Variants in KCNIP1 observed in about 807,000 individuals in gnomAD.
KCNIP1 encodes the protein potassium voltage-gated channel interacting protein 1.
A neutral mutation model predicts 33.0 loss-of-function variants in KCNIP1; 18 were observed. The observed-to-expected ratio is 0.55, with a 90% CI of 0.38 to 0.81. KCNIP1 has a LOEUF of 0.81. KCNIP1 is among the 30% of genes least tolerant of loss of function. The pLI is 0.00. For synonymous variants in KCNIP1, 93 were observed against 98.3 expected (o/e 0.95, Z 0.32); for missense variants, 238 against 271.6 (o/e 0.88, Z 0.87).
At chr5:170,650,563 T>G (rs1429955848) in intron 1 of KCNIP1, among the ~76,000 whole-genome samples, 1 of 152,252 alleles carries the variant, frequency 6.6e-6, no homozygotes, top group Non-Finnish European at 1.5e-5. Context: ...CACAGTAGGC[T>G]TATTCATTCA....
At position 170,472,849 on chromosome 5, in the gene KCNIP1, G is replaced by A. The variant is rs376653172; in HGVS notation, c.88+118885G>A. Among the ~76,000 whole-genome samples the A allele has an allele frequency of 1.1e-4, 17 of 152,260 alleles. No homozygotes were observed. The South Asian group carries it at 2.1e-3, about 19-fold the overall frequency. ...TCGTTGATTGATGGACATTTGGGTC[G>A]GTTCCACGATTTTGCAATTGCGAAT... On this transcript the variant is annotated intron_variant, in intron 1 of 7. Coordinates refer to the KCNIP1 transcript ENST00000377360.
chr5:170,387,333 C>A (rs982476111), intron 1 of KCNIP1, among the ~76,000 whole-genome samples: 1 of 152,150 alleles, frequency 6.6e-6, no homozygotes, highest in African/African-American at 2.4e-5. Context: ...AGATTTTCTG[C>A]AAAGTGCTCT....
chr5:170,721,982 A>G, intron 4 of KCNIP1, 79 bp downstream of exon 4: 1 of 1,528,862 alleles, frequency 6.5e-7, no homozygotes, highest in African/African-American at 1.4e-5. Flanking sequence ...GCATTGGGGG[A>G]AGGTCTGGAC....
chr5:170,516,272 T>G (rs1755116479), intron 1 of KCNIP1, among the ~76,000 whole-genome samples: 1 of 152,174 alleles, frequency 6.6e-6, no homozygotes, highest in African/African-American at 2.4e-5. Flanking sequence ...CTCCTTCTCC[T>G]CTCCCAGGGA....
chr5:170,526,181 C>A (rs1044659270), intron 1 of KCNIP1, among the ~76,000 whole-genome samples: 2 of 152,210 alleles, frequency 1.3e-5, no homozygotes, highest in African/African-American at 4.8e-5. Context: ...CCCTCCTGGG[C>A]ACCCCAATAC....
chr5:170,687,028 C>G (rs375744698), intron 1 of KCNIP1, among the ~76,000 whole-genome samples: 84 of 152,184 alleles, frequency 5.5e-4, no homozygotes, highest in African/African-American at 1.7e-3. Context: ...CCATTCTCCC[C>G]CTGAGTTCCC....
At chr5:170,457,556 G>A (rs1756413150) in intron 1 of KCNIP1, among the ~76,000 whole-genome samples, 1 of 152,212 alleles carries the variant, frequency 6.6e-6, no homozygotes, top group Non-Finnish European at 1.5e-5. Flanking sequence ...CCTGGAACCT[G>A]GTAGACATCC....
intron 1 of KCNIP1, chr5:170,483,251 G>C (rs1757015767): frequency 7.1e-6 from 2 of 281,514 alleles, no homozygotes; most frequent in African/African-American, 2.3e-5. Context: ...GGTGATCCCA[G>C]GCTGGGGACC....
intron 1 of KCNIP1, among the ~76,000 whole-genome samples, chr5:170,519,360 T>C (rs1389375454): frequency 6.6e-6 from 1 of 152,104 alleles, no homozygotes. Context: ...TTGAGATAGA[T>C]AGATGGCCTG....
At chr5:170,642,433 G>A (rs375224805) in intron 1 of KCNIP1, among the ~76,000 whole-genome samples, 4 of 152,346 alleles carry the variant, frequency 2.6e-5, no homozygotes, top group South Asian at 2.1e-4. Flanking sequence ...TGTGGAAGCC[G>A]ATGGACTGGG....
chr5:170,396,690 A>G (rs1285198242), intron 1 of KCNIP1, among the ~76,000 whole-genome samples: 1 of 152,224 alleles, frequency 6.6e-6, no homozygotes, highest in Non-Finnish European at 1.5e-5. Flanking sequence ...TAAAGAGTTG[A>G]AGTCAACAGA....
intron 5 of KCNIP1, among the ~76,000 whole-genome samples, chr5:170,723,811 C>T (rs1007794605): frequency 2.0e-5 from 3 of 152,082 alleles, no homozygotes; most frequent in Admixed American, 6.6e-5. Flanking sequence ...AAGGAGGTGT[C>T]GTCATACTGG....
At chr5:170,357,158 G>A (rs948095769) in intron 1 of KCNIP1, among the ~76,000 whole-genome samples, 4 of 151,616 alleles carry the variant, frequency 2.6e-5, no homozygotes, top group East Asian at 1.9e-4. Flanking sequence ...TTCAAACCAC[G>A]AATGCAGTGA....
intron 1 of KCNIP1, among the ~76,000 whole-genome samples, chr5:170,702,793 A>G (rs1763141463): frequency 6.6e-6 from 1 of 151,890 alleles, no homozygotes; most frequent in African/African-American, 2.4e-5. Context: ...TCCTAATAAA[A>G]TAGGAACAAT....
At chr5:170,505,116 A>G (rs1415129701) in intron 1 of KCNIP1, among the ~76,000 whole-genome samples, 1 of 152,240 alleles carries the variant, frequency 6.6e-6, no homozygotes, top group African/African-American at 2.4e-5. Context: ...AACCTCTGCA[A>G]GCCAAAAGGA....
intron 1 of KCNIP1, among the ~76,000 whole-genome samples, chr5:170,417,932 C>A (rs1455095851): frequency 1.3e-5 from 2 of 152,210 alleles, no homozygotes; most frequent in Non-Finnish European, 2.9e-5. Context: ...TTTGGGCAAC[C>A]ACACAGCTTA....
intron 1 of KCNIP1, among the ~76,000 whole-genome samples, chr5:170,472,892 G>A (rs576178975): frequency 4.6e-5 from 7 of 152,304 alleles, no homozygotes; most frequent in Admixed American, 6.5e-5. Flanking sequence ...CTATAAACAT[G>A]TGTGTGCAAG....
At chr5:170,714,800 G>A (rs1763589034) in intron 1 of KCNIP1, among the ~76,000 whole-genome samples, 1 of 151,866 alleles carries the variant, frequency 6.6e-6, no homozygotes, top group Non-Finnish European at 1.5e-5. Flanking sequence ...TTTAAGCTAA[G>A]CGTTATCACA....
chr5:170,501,353 A>G (rs1978440), upstream of KCNIP1, among the ~76,000 whole-genome samples: 102,315 of 152,014 alleles, frequency 0.67, 34,652 homozygotes, highest in East Asian at 0.87. Context: ...CATCTGAGAA[A>G]TAGTGAGGGG....
Sources: gnomAD v4.1 joint callset for allele counts (sites outside exome capture counted in the v4.1 genomes callset) on GRCh38, gnomAD v4.1.1 for gene constraint, MANE v1.5 for transcripts, NCBI Gene and HGNC (gene_info 2026-07-23, HGNC 2026-07-21) for gene names.